The following ZNRF3 variants were observed in gnomAD, a reference collection of about 807,000 sequenced individuals.
The protein encoded by ZNRF3 is E3 ubiquitin-protein ligase ZNRF3.
ZNRF3 carries 23 observed loss-of-function variants against 72.5 expected under a neutral mutation model. That is an observed-to-expected ratio of 0.32 (90% CI 0.23 to 0.45). The LOEUF (loss-of-function observed/expected upper bound fraction) is 0.45, where lower values mean the gene tolerates loss of function less well. Ranked by LOEUF, ZNRF3 falls within the 20% of genes least tolerant of loss-of-function variation. The probability of loss-of-function intolerance (pLI) is 1.00; values close to 1 mark genes in which losing one functional copy is unlikely to be tolerated. For synonymous variants in ZNRF3, 610 were observed against 545.3 expected (o/e 1.12, Z -1.65); for missense variants, 1,169 against 1,272.1 (o/e 0.92, Z 1.23).
chr22:29,050,547 G>T lies in ZNRF3; in HGVS notation c.2366G>T (p.Arg789Leu), dbSNP rs771671819. 1.2e-6 allele frequency: 2 copies of T among 1,610,332 alleles called. No homozygotes were observed. Among genetic ancestry groups the T allele is most frequent in the African/African-American group, 2.7e-5 (2 of 74,862 alleles). Residue 789 changes from arginine to leucine, a missense_variant, in exon 8 of 9, where the codon CGC (arginine) becomes CTC (leucine). Physicochemically the swap from Arg to Leu is moderately radical, Grantham distance 102 (BLOSUM62 -2). Coordinates refer to ENST00000544604, the MANE Select transcript of ZNRF3 (RefSeq NM_001206998.2). ...CCFYEEKQVA[R>L]GGGGGSGCYT... ...TTCTATGAAGAGAAGCAGGTGGCCC[G>T]CGGGGGCGGAGGGGGCAGCGGCTGC...
rs1186172926 is a variant in ZNRF3 at position 29,050,028 on chromosome 22, C to G, written c.1847C>G (p.Ser616Trp). The G allele has an allele frequency of 4.3e-6, 7 of 1,609,916 alleles. No homozygotes were observed. Among genetic ancestry groups the G allele is most frequent in the African/African-American group, 4.0e-5 (3 of 75,012 alleles). The part of the protein sequence containing the change: ...RASEAGGSGS[S>W]GRGPALCFEG... ...AGTGAGGCGGGGGGCTCGGGCAGCT[C>G]GGGCCGGGGACCTGCCCTGTGCTTC... The change falls in exon 8 of 9, where the codon TCG becomes TGG. Residue 616 changes from serine to tryptophan, a missense_variant. This residue lies in a region of ZNRF3 where 783 missense variants were observed against 731.4 expected (regional missense o/e 1.07). Coordinates refer to ENST00000544604, the MANE Select transcript of ZNRF3 (RefSeq NM_001206998.2).
intron 1 of ZNRF3, among the ~76,000 whole-genome samples, chr22:28,887,272 A>G (rs375613741): frequency 5.4e-5 from 8 of 148,212 alleles, no homozygotes; most frequent in Admixed American, 3.4e-4. Context: ...GTGTGTGTGT[A>G]TACATATATT....
At chr22:29,005,198 A>G (rs564537204) in intron 2 of ZNRF3, among the ~76,000 whole-genome samples, 2 of 152,330 alleles carry the variant, frequency 1.3e-5, no homozygotes, top group South Asian at 2.1e-4. Context: ...CAGGCTCACA[A>G]TAAGCGGCTC....
Position 29,053,850 on chromosome 22 carries a change from G to T in ZNRF3, c.*228G>T. On this transcript the variant is annotated 3_prime_UTR_variant, in exon 9 of 9. Coordinates refer to ENST00000544604, the MANE Select transcript of ZNRF3 (RefSeq NM_001206998.2). ...ATTCTCCGAGTCCTTTGCCTCTTTT[G>T]ATAACATGTTGTTCTGTTTTGTAAA... The T allele has an allele frequency of 2.1e-6, 1 of 474,072 alleles. No homozygotes were observed. The allele number at this position is 474,072 out of a possible 1,614,324, so 29.4% of individuals were successfully genotyped here. A position where few individuals can be genotyped will look rare whatever the true frequency, so the allele number is the denominator to read the frequency against.
intron 2 of ZNRF3, among the ~76,000 whole-genome samples, chr22:28,988,977 C>A (rs1292361188): frequency 6.6e-6 from 1 of 152,136 alleles, no homozygotes; most frequent in African/African-American, 2.4e-5. Context: ...CTGGAACAAC[C>A]ATGTAGTGGT....
rs187445134 is a variant in ZNRF3 at position 29,053,710 on chromosome 22, T to G, written c.*88T>G. 2.9e-6 allele frequency: 4 copies of G among 1,391,658 alleles called. No homozygotes were observed. The African/African-American group carries it at 4.3e-5, about 15-fold the overall frequency. 86.2% of individuals were successfully genotyped at this position (1,391,658 alleles called of 1,614,324 possible). A position where few individuals can be genotyped will look rare whatever the true frequency, so the allele number is the denominator to read the frequency against. ...CAAAAAACAAAAACAAAAAATTTTTTTAGCTTTGACAAACACACAAAAGTG... is the reference window on the plus strand; with the variant it reads ...CAAAAAACAAAAACAAAAAATTTTTGTAGCTTTGACAAACACACAAAAGTG... On this transcript the variant is annotated 3_prime_UTR_variant, in exon 9 of 9. Transcript: ENST00000544604.
intron 1 of ZNRF3, among the ~76,000 whole-genome samples, chr22:28,956,210 G>A (rs1338631220): frequency 6.6e-6 from 1 of 151,986 alleles, no homozygotes; most frequent in African/African-American, 2.4e-5. Flanking sequence ...TGATGTGTGG[G>A]GCCTTCCCTG....
At chr22:29,043,767 A>T (rs184268596) in intron 4 of ZNRF3, among the ~76,000 whole-genome samples, 1 of 152,136 alleles carries the variant, frequency 6.6e-6, no homozygotes, top group Non-Finnish European at 1.5e-5. Flanking sequence ...GGGATGGGGC[A>T]TCCAGCACCT....
Position 29,053,608 on chromosome 22 carries a change from A to T in ZNRF3, c.2797A>T (p.Ser933Cys). ...GAGATCTCACTCAGCAGACAGCAGC[A>T]GCCCGGGAGCCTGAGCTCAGGAGGA... The part of the protein sequence containing the change: ...GPRSHSADSS[S>C]PGA Residue 933 changes from serine (S) to cysteine (C), a missense_variant, in exon 9 of 9, where the codon AGC becomes TGC. Ser to Cys is a moderately radical substitution (Grantham distance 112, BLOSUM62 -1). Around this residue, in one of 2 missense-constraint regions of ZNRF3, gnomAD observed 783 missense variants for 731.4 expected, o/e 1.07. Coordinates refer to ENST00000544604, the MANE Select transcript of ZNRF3 (RefSeq NM_001206998.2). 6.2e-7 allele frequency: 1 copy of T among 1,613,778 alleles called. No individual in the cohort carries two copies. The highest frequency in any genetic ancestry group is 8.5e-7 in the Non-Finnish European group (1 of 1,179,782).
chr22:28,982,661 T>G (rs184559286), intron 1 of ZNRF3, among the ~76,000 whole-genome samples: 4 of 151,958 alleles, frequency 2.6e-5, no homozygotes, highest in Non-Finnish European at 5.9e-5. Context: ...TGAAATGGTA[T>G]GTTCATTTGC....
intron 2 of ZNRF3, among the ~76,000 whole-genome samples, chr22:29,040,495 T>C (rs1275860693): frequency 6.9e-6 from 1 of 145,116 alleles, no homozygotes; most frequent in African/African-American, 2.5e-5. Flanking sequence ...CCCACCGCCT[T>C]TTTTTTTTTT....
At chr22:28,939,297 AAAC>A (rs2034897780) in intron 1 of ZNRF3, among the ~76,000 whole-genome samples, 1 of 151,810 alleles carries the variant, frequency 6.6e-6, no homozygotes, top group African/African-American at 2.4e-5. Flanking sequence ...AAAAAAAAAA[AAAC>A]AAAACCTCAA....
chr22:29,025,953 G>A (rs937344368), intron 2 of ZNRF3: 4 of 152,222 alleles, frequency 2.6e-5, no homozygotes, highest in African/African-American at 7.2e-5. Context: ...CCGGATGCGT[G>A]GTAGGGATGC....
chr22:29,051,402 G>A (rs1427760575), intron 8 of ZNRF3, among the ~76,000 whole-genome samples: 4 of 152,186 alleles, frequency 2.6e-5, no homozygotes, highest in Non-Finnish European at 4.4e-5. Flanking sequence ...CCTCATGGCT[G>A]GGATATTATG....
intron 1 of ZNRF3, among the ~76,000 whole-genome samples, chr22:28,919,306 A>G (rs2034467590): frequency 6.6e-6 from 1 of 152,238 alleles, no homozygotes; most frequent in Non-Finnish European, 1.5e-5. Context: ...ACAGATCTAA[A>G]ATAATACCAT....
intron 1 of ZNRF3, among the ~76,000 whole-genome samples, chr22:28,909,062 A>ATT (rs545788886): frequency 6.6e-6 from 1 of 150,468 alleles, no homozygotes; most frequent in Non-Finnish European, 1.5e-5. Flanking sequence ...CACCCAGCTA[A>ATT]TTTTTTTTGT....
chr22:28,909,747 ATTTTTT>A lies in ZNRF3; in HGVS notation c.300+25698_300+25703del, dbSNP rs11432409. Among the ~76,000 whole-genome samples the A allele has an allele frequency of 1.7e-4, 19 of 113,880 alleles. No individual in the cohort carries two copies. In the East Asian group the frequency reaches 2.1e-3, roughly 13 times the overall value. 74.7% of individuals were successfully genotyped at this position (113,880 alleles called of 152,430 possible). A position where few individuals can be genotyped will look rare whatever the true frequency, so the allele number is the denominator to read the frequency against. On this transcript the variant is annotated intron_variant, in intron 1 of 8. Coordinates refer to ENST00000544604, the MANE Select transcript of ZNRF3 (RefSeq NM_001206998.2). The stretch of plus-strand genomic sequence containing the variant: ...AGGCGCATGCCACCATGCCTGGCTA[ATTTTTT>A]TTTTTTTTTTTTTTTTGGTGGTAGG...
intron 1 of ZNRF3, among the ~76,000 whole-genome samples, chr22:28,963,484 A>C (rs1228845094): frequency 1.3e-5 from 2 of 152,206 alleles, no homozygotes; most frequent in Non-Finnish European, 2.9e-5. Context: ...AGGGAAAAAA[A>C]CCACAGGCTC....
chr22:28,961,813 C>G (rs979083570), intron 1 of ZNRF3, among the ~76,000 whole-genome samples: 1 of 152,204 alleles, frequency 6.6e-6, no homozygotes, highest in African/African-American at 2.4e-5. Context: ...TGTTACTTGA[C>G]CACCCACTGG....
Sources: gnomAD v4.1 joint callset for allele counts (sites outside exome capture counted in the v4.1 genomes callset) on GRCh38, gnomAD v4.1.1 for gene constraint, gnomAD v4.1.1 regional missense constraint, MANE v1.5 for transcripts, NCBI Gene and HGNC (gene_info 2026-07-23, HGNC 2026-07-21) for gene names.